FAM13A: variants seen among roughly 807,000 people sequenced by gnomAD.
The protein encoded by FAM13A is family with sequence similarity 13 member A.
A neutral mutation model predicts 129.6 loss-of-function variants in FAM13A; 76 were observed. The ratio of observed to expected loss-of-function variants is 0.59; its 90% CI spans 0.49 to 0.71. The LOEUF is 0.71. FAM13A is among the 30% of genes least tolerant of loss of function. The probability of loss-of-function intolerance (pLI) is 0.00; values close to 1 mark genes in which losing one functional copy is unlikely to be tolerated. For synonymous variants in FAM13A, 443 were observed against 449.9 expected, an observed-to-expected ratio of 0.98 and a Z score of 0.20; for missense variants, 1,108 against 1,249.3, an observed-to-expected ratio of 0.89 and a Z score of 1.70.
intron 7 of FAM13A, among the ~76,000 whole-genome samples, chr4:88,836,570 TGTC>T (rs1427628432): frequency 2.0e-5 from 3 of 152,342 alleles, no homozygotes; most frequent in Admixed American, 2.0e-4. Flanking sequence ...AGAATCCAGC[TGTC>T]TTCTATTAAT....
chr4:88,850,663 G>T (rs575506284), intron 7 of FAM13A, among the ~76,000 whole-genome samples: 3 of 152,198 alleles, frequency 2.0e-5, no homozygotes, highest in Middle Eastern at 6.8e-3. Context: ...ATTAGTTTGT[G>T]AGAGTTGGTT....
At chr4:88,990,890 G>A in intron 4 of FAM13A, 83 bp downstream of exon 4, 1 of 1,028,876 alleles carries the variant, frequency 9.7e-7, no homozygotes. Context: ...ACTGAAATAT[G>A]CTTCTACATC....
chr4:89,023,430 T>C (rs781293734), intron 2 of FAM13A, among the ~76,000 whole-genome samples: 1 of 151,926 alleles, frequency 6.6e-6, no homozygotes, highest in Non-Finnish European at 1.5e-5. Flanking sequence ...TCACATGATG[T>C]TGTTTTTTTT....
intron 7 of FAM13A, among the ~76,000 whole-genome samples, chr4:88,830,808 G>T (rs1365662410): frequency 6.6e-6 from 1 of 152,126 alleles, no homozygotes; most frequent in East Asian, 1.9e-4. Flanking sequence ...TCCACAGCTG[G>T]AAGTACATGA....
At chr4:88,845,617 G>A (rs1736511681) in intron 7 of FAM13A, among the ~76,000 whole-genome samples, 1 of 152,168 alleles carries the variant, frequency 6.6e-6, no homozygotes, top group African/African-American at 2.4e-5. Context: ...GAAAAAATGT[G>A]TGAGATACAT....
chr4:89,029,596 C>T lies in FAM13A; in HGVS notation c.81G>A (p.Val27=). 6.3e-7 allele frequency: 1 copy of T among 1,587,348 alleles called. No individual in the cohort carries two copies. Among genetic ancestry groups the T allele is most frequent in the Non-Finnish European group, 8.5e-7 (1 of 1,171,456 alleles). ...LKEDMKKIVA[V]PLNEQKDFTY... is the part of the protein sequence containing the mutation. ...TAAAATCCTTCTGTTCATTTAATGG[C>T]ACTGCCACTATCTTTTTCATGTCTT... The change falls in exon 2 of 24, where the codon GTG becomes GTA. Residue 27 remains valine, a synonymous_variant. Transcript: ENST00000264344.
chr4:88,894,399 C>T (rs1179091457), intron 6 of FAM13A, among the ~76,000 whole-genome samples: 1 of 152,078 alleles, frequency 6.6e-6, no homozygotes, highest in Non-Finnish European at 1.5e-5. Context: ...CAGAAGGCAA[C>T]ACACTATGTA....
Position 88,731,399 on chromosome 4 carries a change from A to T in FAM13A, c.2873T>A (p.Met958Lys). ...IPELLEHLQEMREEKKRIRKK... is the reference protein window; with the variant it reads ...IPELLEHLQEKREEKKRIRKK... Reference sequence around the variant, plus strand: ...TCGAATCCTTTTCTTTTCTTCTCTCATTTCCTGGAGGTGTTCCAGGAGTTC... The same window carrying T: ...TCGAATCCTTTTCTTTTCTTCTCTCTTTTCCTGGAGGTGTTCCAGGAGTTC... Residue 958 changes from methionine (M) to lysine (K), a missense_variant, in exon 23 of 24, where the codon ATG (methionine) becomes AAG (lysine). This residue lies in a region of FAM13A where 529 missense variants were observed against 621.2 expected (regional missense o/e 0.85). Transcript: ENST00000264344. The T allele has an allele frequency of 1.2e-6, 2 of 1,605,024 alleles. No individual in the cohort carries two copies. Among genetic ancestry groups the T allele is most frequent in the Non-Finnish European group, 8.5e-7 (1 of 1,179,080 alleles).
At chr4:88,972,665 T>C (rs1398058753) in intron 4 of FAM13A, among the ~76,000 whole-genome samples, 1 of 151,956 alleles carries the variant, frequency 6.6e-6, no homozygotes, top group Non-Finnish European at 1.5e-5. Context: ...TGGAGTGCAG[T>C]GGTGTGATCT....
rs539928280 is a variant in FAM13A, at chr4:89,021,946, TG to T, written c.218-1278del. 6.6e-5 allele frequency among the ~76,000 whole-genome samples: 10 copies of T among 152,132 alleles called. No homozygotes were observed. In the South Asian group the frequency reaches 2.1e-3, roughly 32 times the overall value. Reference sequence around the variant, plus strand: ...GTAGCTGGTTTACGGCAGAAGATAATGATTTCCAGCTTAGTGTGCTACACAC... The same window carrying T: ...GTAGCTGGTTTACGGCAGAAGATAATATTTCCAGCTTAGTGTGCTACACAC... On this transcript the variant is annotated intron_variant, in intron 2 of 23. Coordinates refer to ENST00000264344, the MANE Select transcript of FAM13A (RefSeq NM_014883.4).
chr4:88,984,635 T>C (rs1055987096), intron 4 of FAM13A, among the ~76,000 whole-genome samples: 1 of 152,148 alleles, frequency 6.6e-6, no homozygotes, highest in Non-Finnish European at 1.5e-5. Context: ...TTAACAAGGA[T>C]GTAGAGAAAC....
chr4:88,748,476 G>A (rs1340778272), intron 17 of FAM13A, among the ~76,000 whole-genome samples: 3 of 152,128 alleles, frequency 2.0e-5, no homozygotes, highest in African/African-American at 7.2e-5. Flanking sequence ...CCCAGCCACT[G>A]GCCAACCTTT....
intron 13 of FAM13A, 151 bp from the exon 14 acceptor site, chr4:88,759,052 C>T (rs966802363): frequency 1.4e-5 from 10 of 733,282 alleles, no homozygotes; most frequent in South Asian, 2.1e-5. Context: ...TGATGCCCCC[C>T]GGATCCTAGC....
At chr4:88,918,218 G>C (rs573578164) in intron 5 of FAM13A, among the ~76,000 whole-genome samples, 1 of 152,220 alleles carries the variant, frequency 6.6e-6, no homozygotes, top group Non-Finnish European at 1.5e-5. Context: ...ATTTTGAATT[G>C]AAATCGTGCA....
chr4:88,859,149 T>C (rs1231752674), intron 6 of FAM13A, among the ~76,000 whole-genome samples: 2 of 152,196 alleles, frequency 1.3e-5, no homozygotes, highest in Admixed American at 6.5e-5. Flanking sequence ...CTGTGAAGAA[T>C]AGCAAAGGAA....
chr4:88,964,908 G>C (rs907929788), intron 4 of FAM13A, among the ~76,000 whole-genome samples: 3 of 152,036 alleles, frequency 2.0e-5, no homozygotes, highest in African/African-American at 7.3e-5. Flanking sequence ...GATTACAGGC[G>C]TGAGATACCG....
intron 3 of FAM13A, among the ~76,000 whole-genome samples, chr4:88,996,383 G>A (rs543743213): frequency 1.8e-4 from 28 of 152,290 alleles, no homozygotes; most frequent in African/African-American, 6.5e-4. Flanking sequence ...GAAGGAAAGG[G>A]CCTGGGGCCT....
chr4:89,002,173 C>G lies in FAM13A; in HGVS notation c.428-11023G>C, dbSNP rs576284579. 3.8e-5 allele frequency among the ~76,000 whole-genome samples: 3 copies of G among 79,248 alleles called. No individual in the cohort carries two copies. In the Admixed American group the frequency reaches 4.0e-4, roughly 10 times the overall value. 52.0% of individuals were successfully genotyped at this position (79,248 alleles called of 152,430 possible). A position where few individuals can be genotyped will look rare whatever the true frequency, so the allele number is the denominator to read the frequency against. ...ATACTTAAAAAGTGTAAGCACCCAA[C>G]GGCAAAAAAAAAAAAAAAAAAGAAC... On this transcript the variant is annotated intron_variant, in intron 3 of 23. Transcript: ENST00000264344.
chr4:88,788,321 T>G (rs2149661765), intron 9 of FAM13A, among the ~76,000 whole-genome samples: 1 of 152,266 alleles, frequency 6.6e-6, no homozygotes, highest in East Asian at 1.9e-4. Context: ...TTCATACCAA[T>G]TCTACAGAGG....
Sources: gnomAD v4.1 joint callset for allele counts (sites outside exome capture counted in the v4.1 genomes callset) on GRCh38, gnomAD v4.1.1 for gene constraint, gnomAD v4.1.1 regional missense constraint, MANE v1.5 for transcripts, NCBI Gene and HGNC (gene_info 2026-07-23, HGNC 2026-07-21) for gene names.